The following IFT140 variants were observed in gnomAD, a reference collection of about 807,000 sequenced individuals.
The protein encoded by IFT140 is intraflagellar transport 140.
Under a neutral mutation model 164.6 loss-of-function variants are expected in IFT140, and 133 were observed. The ratio of observed to expected loss-of-function variants is 0.81; its 90% confidence interval spans 0.70 to 0.93. The LOEUF (loss-of-function observed/expected upper bound fraction) is 0.93. Ranked by LOEUF, IFT140 falls within the 40% of genes least tolerant of loss-of-function variation. The probability of loss-of-function intolerance (pLI) is 0.00; values close to 1 mark genes in which losing one functional copy is unlikely to be tolerated. For synonymous variants in IFT140, 860 were observed against 817.3 expected (o/e 1.05, Z -0.89); for missense variants, 2,045 against 1,972.3 (o/e 1.04, Z -0.70).
intron 4 of IFT140, among the ~76,000 whole-genome samples, chr16:1,595,851 G>A (rs1247065262): frequency 6.6e-6 from 1 of 152,098 alleles, no homozygotes; most frequent in Admixed American, 6.6e-5. Flanking sequence ...TCAGGAGTTC[G>A]AGGCCAGCCT....
At position 1,518,315 on chromosome 16, in the gene IFT140, C is replaced by T. The variant is rs2040423887; in HGVS notation, c.4083G>A (p.Glu1361=). The stretch of plus-strand genomic sequence containing the variant: ...CCAGGTCTGGTTCCTCCAGGAGCAG[C>T]TCACACTGCTTGATGGACTCCTTGG... ...EDPKESIKQC[E]LLLEEPDLDS... is the part of the protein sequence containing the mutation. The change falls in exon 30 of 31, where the codon GAG becomes GAA. Residue 1361 remains glutamate, a synonymous_variant. Coordinates refer to ENST00000426508, the MANE Select transcript of IFT140 (RefSeq NM_014714.4). The T allele has an allele frequency of 1.9e-6, 3 of 1,613,960 alleles. No homozygotes were observed. The highest frequency in any genetic ancestry group is 2.2e-5 in the South Asian group (2 of 91,088).
chr16:1,562,159 TTACA>T, intron 17 of IFT140, 43 bp from the exon 18 acceptor site: 2 of 1,506,520 alleles, frequency 1.3e-6, no homozygotes, highest in South Asian at 1.3e-5. Context: ...TTTTTTTAAC[TTACA>T]TAAATTTCTG....
intron 2 of IFT140, among the ~76,000 whole-genome samples, chr16:1,608,028 A>G (rs1369371949): frequency 6.6e-6 from 1 of 152,252 alleles, no homozygotes; most frequent in Admixed American, 6.5e-5. Context: ...TGAATTTCCA[A>G]TAAAGCATAA....
intron 19 of IFT140, among the ~76,000 whole-genome samples, chr16:1,550,663 C>T (rs1326027563): frequency 6.6e-6 from 1 of 152,202 alleles, no homozygotes; most frequent in Non-Finnish European, 1.5e-5. Context: ...CTGTGCTTTG[C>T]TCCATGGTTT....
Position 1,513,759 on chromosome 16 carries a change from C to T in IFT140, c.4183-2609G>A, listed in dbSNP as rs367908946. Among the ~76,000 whole-genome samples, 8 of 150,900 alleles carry T rather than the reference C, an allele frequency of 5.3e-5. No individual in the cohort carries two copies. In the East Asian group the frequency reaches 8.4e-4, roughly 16 times the overall value. ...TGCGATCTCTGCTCACTGCAAGCTCCGCCTCCCGGGTTCACACCATTCTCC... is the reference window on the plus strand; with the variant it reads ...TGCGATCTCTGCTCACTGCAAGCTCTGCCTCCCGGGTTCACACCATTCTCC... On this transcript the variant is annotated intron_variant, in intron 30 of 30. Transcript: ENST00000426508.
intron 13 of IFT140, 196 bp downstream of exon 13, chr16:1,580,563 C>T (rs2034503307): frequency 2.0e-6 from 1 of 493,914 alleles, no homozygotes; most frequent in Non-Finnish European, 3.6e-6. Context: ...CGCAGTCATG[C>T]TTCCTGTAAA....
chr16:1,572,796 C>T (rs1728529481), intron 13 of IFT140, among the ~76,000 whole-genome samples: 1 of 152,248 alleles, frequency 6.6e-6, no homozygotes, highest in Non-Finnish European at 1.5e-5. Flanking sequence ...TCAACCAATG[C>T]CCAGTGAATG....
intron 30 of IFT140, among the ~76,000 whole-genome samples, chr16:1,515,287 G>A (rs1467729707): frequency 1.3e-5 from 2 of 152,158 alleles, no homozygotes; most frequent in Non-Finnish European, 2.9e-5. Context: ...CCAGTGCAGT[G>A]GGAGATGGAG....
rs986198441 is a variant in IFT140, at chr16:1,513,670, T to A, written c.4183-2520A>T. On this transcript the variant is annotated intron_variant, in intron 30 of 30. Coordinates refer to ENST00000426508, the MANE Select transcript of IFT140 (RefSeq NM_014714.4). ...GCAGGCTTCCTGCTTCTCACAACTT[T>A]CTTTTTTTTTTTTTCTTTTTTGAGA... Among the ~76,000 whole-genome samples, 13 of 88,058 alleles carry A rather than the reference T, an allele frequency of 1.5e-4. No individual in the cohort carries two copies. The East Asian group carries it at 3.1e-3, about 21-fold the overall frequency. 57.8% of individuals were successfully genotyped at this position (88,058 alleles called of 152,430 possible). A position where few individuals can be genotyped will look rare whatever the true frequency, so the allele number is the denominator to read the frequency against.
chr16:1,570,689 T>G (rs2033968342), intron 14 of IFT140, among the ~76,000 whole-genome samples: 1 of 152,218 alleles, frequency 6.6e-6, no homozygotes, highest in African/African-American at 2.4e-5. Context: ...TGAAGCTGTT[T>G]CATACATTTG....
At chr16:1,591,262 G>A (rs2035166352) in intron 6 of IFT140, among the ~76,000 whole-genome samples, 1 of 151,948 alleles carries the variant, frequency 6.6e-6, no homozygotes, top group Admixed American at 6.6e-5. Flanking sequence ...TAGCCTTCCT[G>A]GGGGGCCCCA....
At chr16:1,552,020 C>T (rs182659874) in intron 19 of IFT140, among the ~76,000 whole-genome samples, 4 of 152,168 alleles carry the variant, frequency 2.6e-5, no homozygotes, top group African/African-American at 7.2e-5. Flanking sequence ...CTGACCCCCA[C>T]GGCAACCGCA....
chr16:1,518,200 A>C lies in IFT140; in HGVS notation c.4182+16T>G. ...GTGTGGCGGGATGCTGCTAGTGAGC[A>C]GCACTCAGGCCTCACCGTCTGGTAT... On this transcript the variant is annotated intron_variant, in intron 30 of 30. Transcript: ENST00000426508. 6.3e-7 allele frequency: 1 copy of C among 1,599,588 alleles called. No homozygotes were observed. The highest frequency in any genetic ancestry group is 8.5e-7 in the Non-Finnish European group (1 of 1,174,774).
chr16:1,570,373 AC>A (rs1162159364), intron 14 of IFT140, among the ~76,000 whole-genome samples: 2 of 151,908 alleles, frequency 1.3e-5, no homozygotes, highest in Non-Finnish European at 2.9e-5. Flanking sequence ...TCATGCTGAC[AC>A]CTCTACCTCT....
At chr16:1,601,226 T>C (rs1013058093) in intron 4 of IFT140, among the ~76,000 whole-genome samples, 12 of 147,064 alleles carry the variant, frequency 8.2e-5, no homozygotes, top group Non-Finnish European at 1.6e-4. Context: ...AACGTGCCAC[T>C]GCACTCTAGC....
chr16:1,545,686 A>G (rs1183092625), intron 19 of IFT140, among the ~76,000 whole-genome samples: 3 of 152,108 alleles, frequency 2.0e-5, no homozygotes, highest in African/African-American at 7.2e-5. Context: ...GATGCTCATG[A>G]AAGGAGGAAA....
At chr16:1,514,273 A>C (rs972022815) in intron 30 of IFT140, 1 of 152,036 alleles carries the variant, frequency 6.6e-6, no homozygotes, top group Non-Finnish European at 1.5e-5. Context: ...GGGAGGCTGC[A>C]GCAGGAGAAT....
At chr16:1,597,015 C>G (rs750326946) in intron 4 of IFT140, among the ~76,000 whole-genome samples, 8 of 152,142 alleles carry the variant, frequency 5.3e-5, no homozygotes, top group Non-Finnish European at 7.3e-5. Flanking sequence ...GACTAAGGGG[C>G]TGATGGGAAA....
In IFT140 at chr16:1,551,908, G is replaced by A. The variant is rs542005255; in HGVS notation, c.2399+6027C>T. On this transcript the variant is annotated intron_variant, in intron 19 of 30. Transcript: ENST00000426508. The surrounding 1 kb of genome is among the most constrained non-coding windows in gnomAD (Gnocchi z 4.0). ...CGAGCTGTGCACTCAGAAGCCTCCC[G>A]GGTGTGTCCCTGGTGATGTCCCCGG... is the stretch of plus-strand genomic sequence containing the variant. Among the ~76,000 whole-genome samples, 17 of 152,200 alleles carry A rather than the reference G, an allele frequency of 1.1e-4. No individual in the cohort carries two copies. Among genetic ancestry groups the A allele is most frequent in the East Asian group, 1.9e-4 (1 of 5,170 alleles).
Sources: gnomAD v4.1 joint callset for allele counts (sites outside exome capture counted in the v4.1 genomes callset) on GRCh38, gnomAD v4.1.1 for gene constraint, Gnocchi (gnomAD v3.1) non-coding constraint, MANE v1.5 for transcripts, NCBI Gene and HGNC (gene_info 2026-07-23, HGNC 2026-07-21) for gene names.